RAPSN: variants seen among roughly 807,000 people sequenced by gnomAD.
RAPSN encodes the protein receptor associated protein of the synapse.
A neutral mutation model predicts 45.7 loss-of-function variants in RAPSN; 33 were observed. That is an observed-to-expected ratio of 0.72 (90% CI 0.55 to 0.97). RAPSN has a LOEUF of 0.97. Ranked by LOEUF, RAPSN falls within the 50% of genes least tolerant of loss-of-function variation. RAPSN has a pLI of 0.00. For missense variants in RAPSN, 519 were observed against 559.4 expected, an observed-to-expected ratio of 0.93 and a Z score of 0.73; for synonymous variants, 244 against 233.6, an observed-to-expected ratio of 1.04 and a Z score of -0.40.
intron 1 of RAPSN, 70 bp downstream of exon 1, chr11:47,448,703 G>A (rs2076430167): frequency 6.3e-7 from 1 of 1,584,276 alleles, no homozygotes; most frequent in Non-Finnish European, 8.6e-7. Context: ...GGCCGAGAGG[G>A]GACTGGGGAG....
rs2076432156 is a variant in RAPSN, at chr11:47,448,869, C to A, written c.96G>T (p.Val32=). 1 of 1,614,232 alleles carries A rather than the reference C, an allele frequency of 6.2e-7. No homozygotes were observed. The highest frequency in any genetic ancestry group is 1.1e-5 in the South Asian group (1 of 91,088). ...CCATGAGGTCCGAGCTCTTCTCCAG[C>A]ACCTTTGTCCACACCTGCAATGCCT... is the stretch of plus-strand genomic sequence containing the variant. ...TEKALQVWTK[V]LEKSSDLMGR... The change falls in exon 1 of 8, where the codon GTG becomes GTT. Residue 32 remains valine (V), a synonymous_variant. Coordinates refer to ENST00000298854, the MANE Select transcript of RAPSN (RefSeq NM_005055.5).
In RAPSN at chr11:47,441,676, G is replaced by A. The variant is rs761730497; in HGVS notation, c.847C>T (p.Leu283=). Residue 283 remains leucine (L), a synonymous_variant, in exon 5 of 8, where the codon CTG becomes TTG. Transcript: ENST00000298854. ...MSIMTEIGNR[L]GQVQALLGVA... ...CCCAGCAGCGCCTGCACCTGCCCCA[G>A]GCGGTTTCCGATCTCGGTCATGATG... is the stretch of plus-strand genomic sequence containing the variant. The A allele has an allele frequency of 4.3e-6, 7 of 1,609,802 alleles. No homozygotes were observed. The highest frequency in any genetic ancestry group is 5.9e-6 in the Non-Finnish European group (7 of 1,179,856).
rs201947904 is a variant in RAPSN, at chr11:47,438,901, C to T, written c.997G>A (p.Glu333Lys). 9.0e-6 allele frequency: 14 copies of T among 1,562,530 alleles called. No individual in the cohort carries two copies. The Admixed American group carries it at 1.2e-4, about 13-fold the overall frequency. Reference sequence around the variant, plus strand: ...AGCCCTTTGCTGCGGTAAATGCTCTCGCTCAGACAGTGCAGCTTGAGCTGG... The same window carrying T: ...AGCCCTTTGCTGCGGTAAATGCTCTTGCTCAGACAGTGCAGCTTGAGCTGG... ...LSQLKLHCLS[E>K]SIYRSKGLQR... is the part of the protein sequence containing the mutation. The change falls in exon 7 of 8, where the codon GAG becomes AAG. Residue 333 changes from glutamate (E) to lysine (K), a missense_variant. Glu to Lys is a moderately conservative substitution (Grantham distance 56). Transcript: ENST00000298854.
rs889862832 is a variant in RAPSN, at chr11:47,441,874, C to A, written c.738G>T (p.Ala246=). Reference sequence around the variant, plus strand: ...TGTCAGCGAAGCAGAGCAGGCAGAGCGCCTGCAGTGGCCGGTCCCCGTGCT... The same window carrying A: ...TGTCAGCGAAGCAGAGCAGGCAGAGAGCCTGCAGTGGCCGGTCCCCGTGCT... ...ALQHGDRPLQ[A]LCLLCFADIH... Residue 246 remains alanine (A), a synonymous_variant, in exon 4 of 8, where the codon GCG becomes GCT. Transcript: ENST00000298854. 1.9e-6 allele frequency: 3 copies of A among 1,595,696 alleles called. No homozygotes were observed. The highest frequency in any genetic ancestry group is 8.5e-7 in the Non-Finnish European group (1 of 1,175,736).
intron 2 of RAPSN, 35 bp from the exon 3 acceptor site, chr11:47,442,849 AGT>A: frequency 1.2e-6 from 2 of 1,611,396 alleles, no homozygotes; most frequent in Non-Finnish European, 1.7e-6. Flanking sequence ...AGGCAAACTG[AGT>A]GGCAGAGGCT....
At position 47,448,093 on chromosome 11, in the gene RAPSN, C is replaced by G. The variant is rs1171081265; in HGVS notation, c.250G>C (p.Glu84Gln). Residue 84 changes from glutamate to glutamine, a missense_variant, in exon 2 of 8, where the codon GAG (glutamate) becomes CAG (glutamine). Glu to Gln is a conservative substitution (Grantham distance 29). Coordinates refer to ENST00000298854, the MANE Select transcript of RAPSN (RefSeq NM_005055.5). ...RELEDADFLL[E>Q]SYLNLARSNE... ...CTGCGTGCCAGGTTCAGGTAGCTCT[C>G]CAGGAGGAAGTCGGCATCCTCCAGC... is the stretch of plus-strand genomic sequence containing the variant. 1 of 1,613,798 alleles carries G rather than the reference C, an allele frequency of 6.2e-7. No individual in the cohort carries two copies. Among genetic ancestry groups the G allele is most frequent in the Non-Finnish European group, 8.5e-7 (1 of 1,180,000 alleles).
intron 2 of RAPSN, among the ~76,000 whole-genome samples, chr11:47,444,890 G>A (rs11039244): frequency 0.27 from 38,422 of 140,430 alleles, 5,884 homozygotes; most frequent in South Asian, 0.47. Flanking sequence ...GTAAATAAAT[G>A]TCCCTAACTG....
chr11:47,438,342 G>A, intron 7 of RAPSN: 1 of 573,932 alleles, frequency 1.7e-6, no homozygotes. Context: ...CCTTTGAGGG[G>A]CCTCTCTGAC....
chr11:47,448,684 G>T, intron 1 of RAPSN, 89 bp downstream of exon 1: 1 of 1,529,988 alleles, frequency 6.5e-7, no homozygotes. Flanking sequence ...ACACAGGGGA[G>T]CCCGAGGAGG....
Position 47,441,844 on chromosome 11 carries a change from G to A in RAPSN, c.768C>T (p.His256=), listed in dbSNP as rs757302008. 1.3e-6 allele frequency: 2 copies of A among 1,589,946 alleles called. No individual in the cohort carries two copies. The highest frequency in any genetic ancestry group is 1.7e-5 in the Admixed American group (1 of 57,534). The change falls in exon 4 of 8, where the codon CAC becomes CAT. Residue 256 remains histidine, a synonymous_variant. Transcript: ENST00000298854. ...TCACCTCCAGGTCCCCACGGCTCCG[G>A]TGGATGTCAGCGAAGCAGAGCAGGC... ...ALCLLCFADI[H]RSRGDLETAF...
In RAPSN at chr11:47,438,932, C is replaced by G. The variant is rs761202888; in HGVS notation, c.967-1G>C. The G allele has an allele frequency of 6.4e-7, 1 of 1,555,878 alleles. No individual in the cohort carries two copies. The highest frequency in any genetic ancestry group is 1.2e-5 in the South Asian group (1 of 84,434). On this transcript the variant is annotated splice_acceptor_variant, in intron 6 of 7. Coordinates refer to ENST00000298854, the MANE Select transcript of RAPSN (RefSeq NM_005055.5). LOFTEE classifies it high-confidence loss of function. ...GACAGTGCAGCTTGAGCTGGCTCAG[C>G]TGGGGCCCGCAGGAGTGGAGAGCGC...
At chr11:47,445,593 C>CAAAAAAAAAAAAAAAAAAAAAAAAAAAAA in intron 2 of RAPSN, among the ~76,000 whole-genome samples, 1 of 58,330 alleles carries the variant, frequency 1.7e-5, no homozygotes, top group Non-Finnish European at 3.1e-5. Flanking sequence ...GAGACTGTCT[C>CAAAAAAAAAAAAAAAAAAAAAAAAAAAAA]AAAAAAAAAA....
At chr11:47,438,566 G>T in intron 7 of RAPSN, 166 bp downstream of exon 7, 2 of 755,146 alleles carry the variant, frequency 2.6e-6, no homozygotes, top group Middle Eastern at 2.9e-4. Flanking sequence ...CAAGTGATCA[G>T]CCCGCCTCGG....
intron 1 of RAPSN, among the ~76,000 whole-genome samples, chr11:47,448,510 G>A (rs934046516): frequency 1.3e-5 from 2 of 151,126 alleles, no homozygotes; most frequent in Non-Finnish European, 2.9e-5. Context: ...ATGGGCTTGA[G>A]ACCCACAAAC....
Position 47,448,768 on chromosome 11 carries a change from C to A in RAPSN, c.192+5G>T, listed in dbSNP as rs752783661. 22 of 1,608,302 alleles carry A rather than the reference C, an allele frequency of 1.4e-5. No individual in the cohort carries two copies. The highest frequency in any genetic ancestry group is 1.8e-5 in the Non-Finnish European group (21 of 1,179,954). On this transcript the variant is annotated splice_donor_5th_base_variant and intron_variant, in intron 1 of 7. Transcript: ENST00000298854. Reference sequence around the variant, plus strand: ...CTCGAACGCCCCCAGGCCGGGTACACCCACCTTCAGCATCTCCTTGTAGCG... The same window carrying A: ...CTCGAACGCCCCCAGGCCGGGTACAACCACCTTCAGCATCTCCTTGTAGCG...
intron 2 of RAPSN, among the ~76,000 whole-genome samples, chr11:47,445,656 G>T (rs1181391349): frequency 2.7e-5 from 4 of 148,040 alleles, no homozygotes; most frequent in African/African-American, 9.9e-5. Context: ...TCATTCAGTT[G>T]TCTTTATTTT....
chr11:47,441,354 G>C, intron 5 of RAPSN, 142 bp from the exon 6 acceptor site: 1 of 1,252,142 alleles, frequency 8.0e-7, no homozygotes. Flanking sequence ...AAGAGACTAG[G>C]GCACAGTCAT....
intron 2 of RAPSN, among the ~76,000 whole-genome samples, chr11:47,443,052 C>T (rs2076378415): frequency 6.6e-6 from 1 of 152,222 alleles, no homozygotes; most frequent in South Asian, 2.1e-4. Context: ...GAGCCTAGCA[C>T]AGTTCTTGGC....
intron 2 of RAPSN, among the ~76,000 whole-genome samples, chr11:47,443,801 C>T (rs1423992494): frequency 2.0e-5 from 3 of 151,376 alleles, no homozygotes; most frequent in South Asian, 2.1e-4. Flanking sequence ...TAGTGGTGCA[C>T]GCCTGTAGTT....
Sources: gnomAD v4.1 joint callset for allele counts (sites outside exome capture counted in the v4.1 genomes callset) on GRCh38, gnomAD v4.1.1 for gene constraint, MANE v1.5 for transcripts, NCBI Gene and HGNC (gene_info 2026-07-23, HGNC 2026-07-21) for gene names.